Variants in NALCN observed in about 807,000 individuals in gnomAD.
The protein encoded by NALCN is sodium leak channel NALCN.
Under a neutral mutation model 225.3 loss-of-function variants are expected in NALCN, and 111 were observed. That is an observed-to-expected ratio of 0.49 (90% confidence interval 0.42 to 0.58). NALCN has a LOEUF of 0.58. NALCN is among the 20% of genes least tolerant of loss of function. The probability of loss-of-function intolerance (pLI) is 0.00; values close to 1 mark genes in which losing one functional copy is unlikely to be tolerated. For synonymous variants in NALCN, 764 were observed against 769.0 expected, an observed-to-expected ratio of 0.99 and a Z score of 0.11; for missense variants, 1,378 against 2,202.4, an observed-to-expected ratio of 0.63 and a Z score of 7.49.
Position 101,065,564 on chromosome 13 carries a change from G to T in NALCN, c.4447-3C>A, listed in dbSNP as rs773816880. On this transcript the variant is annotated splice_region_variant and splice_polypyrimidine_tract_variant and intron_variant, in intron 39 of 43. Coordinates refer to ENST00000251127, the MANE Select transcript of NALCN (RefSeq NM_052867.4). ...ACGCGGAACGTGGGGATCACCCCCT[G>T]CGGGGCAGAGCACAAGAAGTAGCAA... 18 of 1,613,484 alleles carry T rather than the reference G, an allele frequency of 1.1e-5. No individual in the cohort carries two copies. Among genetic ancestry groups the T allele is most frequent in the Non-Finnish European group, 1.5e-5 (18 of 1,179,934 alleles).
At chr13:101,335,049 T>C (rs1381229745) in intron 7 of NALCN, among the ~76,000 whole-genome samples, 1 of 152,188 alleles carries the variant, frequency 6.6e-6, no homozygotes, top group Non-Finnish European at 1.5e-5. Flanking sequence ...CCACTAGATA[T>C]TTCCAATGAA....
Position 101,074,594 on chromosome 13 carries a change from G to A in NALCN, c.4023C>T (p.Gly1341=). ...SMYKSFFIIV[G]MFLLLLCYAF... is the part of the protein sequence containing the mutation. ...CGTAACACAGCAGCAAGAGAAACAT[G>A]CCTACTATGATAAAGAAGCTCTTGT... Residue 1341 remains glycine (G), a synonymous_variant, in exon 36 of 44, where the codon GGC becomes GGT. Coordinates refer to ENST00000251127, the MANE Select transcript of NALCN (RefSeq NM_052867.4). 2 of 1,613,638 alleles carry A rather than the reference G, an allele frequency of 1.2e-6. No homozygotes were observed. The highest frequency in any genetic ancestry group is 1.7e-6 in the Non-Finnish European group (2 of 1,179,930).
At chr13:101,137,203 T>C (rs1264564840) in intron 17 of NALCN, among the ~76,000 whole-genome samples, 1 of 152,208 alleles carries the variant, frequency 6.6e-6, no homozygotes, top group Non-Finnish European at 1.5e-5. Context: ...CCCTTTGAGA[T>C]ACAACCCATG....
intron 18 of NALCN, 63 bp downstream of exon 18, chr13:101,124,545 C>A: frequency 7.1e-7 from 1 of 1,405,756 alleles, no homozygotes; most frequent in Non-Finnish European, 9.9e-7. Context: ...TTTCAAAAAG[C>A]TATTTTTCGA....
chr13:101,387,623 C>T (rs1350704941), intron 3 of NALCN, among the ~76,000 whole-genome samples: 1 of 151,998 alleles, frequency 6.6e-6, no homozygotes, highest in Admixed American at 6.6e-5. Flanking sequence ...GTGCTATTGG[C>T]AAATGTATTA....
At chr13:101,291,135 T>C (rs1427784911) in intron 9 of NALCN, among the ~76,000 whole-genome samples, 1 of 152,220 alleles carries the variant, frequency 6.6e-6, no homozygotes, top group Non-Finnish European at 1.5e-5. Flanking sequence ...AATATTGCTA[T>C]GGAACTTATG....
intron 35 of NALCN, 30 bp from the exon 36 acceptor site, chr13:101,074,692 CAGAGAGAG>C (rs34229756): frequency 7.6e-6 from 11 of 1,444,560 alleles, no homozygotes; most frequent in East Asian, 4.8e-5. Context: ...AGCGGGGAGA[CAGAGAGAG>C]AGAGAGAGAG....
intron 27 of NALCN, among the ~76,000 whole-genome samples, chr13:101,098,598 A>G (rs902317832): frequency 6.6e-6 from 1 of 152,164 alleles, no homozygotes; most frequent in African/African-American, 2.4e-5. Flanking sequence ...CATCTTCCCA[A>G]CTGGAAACTA....
At chr13:101,410,882 C>G (rs2047760453) in intron 1 of NALCN, among the ~76,000 whole-genome samples, 1 of 152,210 alleles carries the variant, frequency 6.6e-6, no homozygotes, top group African/African-American at 2.4e-5. Context: ...CCCTTTCATT[C>G]TCTTCCTTCC....
At position 101,191,899 on chromosome 13, in the gene NALCN, A is replaced by AT. The variant is rs2039696415; in HGVS notation, c.1764+17_1764+18insA. ...TATAAATTCCAAGATATAATTGAAA[A>AT]AAAAATGCTGAACTCACCAGAGTGG... On this transcript the variant is annotated intron_variant, in intron 14 of 43. Coordinates refer to ENST00000251127, the MANE Select transcript of NALCN (RefSeq NM_052867.4). The AT allele has an allele frequency of 5.0e-6, 8 of 1,596,686 alleles. No individual in the cohort carries two copies. The East Asian group carries it at 1.8e-4, about 36-fold the overall frequency.
At chr13:101,389,742 G>C (rs1435745775) in intron 3 of NALCN, among the ~76,000 whole-genome samples, 1 of 152,158 alleles carries the variant, frequency 6.6e-6, no homozygotes, top group Non-Finnish European at 1.5e-5. Flanking sequence ...CAAACAAACG[G>C]ATCATGATGA....
intron 3 of NALCN, among the ~76,000 whole-genome samples, chr13:101,387,214 C>T (rs1456502483): frequency 8.6e-6 from 1 of 116,210 alleles, no homozygotes; most frequent in Non-Finnish European, 1.6e-5. Flanking sequence ...GGCGACAGAG[C>T]GAGACTCCGT....
At chr13:101,385,632 A>G (rs989568031) in intron 3 of NALCN, among the ~76,000 whole-genome samples, 4 of 152,216 alleles carry the variant, frequency 2.6e-5, no homozygotes, top group Non-Finnish European at 4.4e-5. Context: ...ATGCAGGTGT[A>G]TCTCTGTTGT....
intron 10 of NALCN, among the ~76,000 whole-genome samples, chr13:101,283,547 AAC>A (rs1374980077): frequency 6.6e-6 from 1 of 152,158 alleles, no homozygotes; most frequent in African/African-American, 2.4e-5. Flanking sequence ...AATGCAGAAA[AAC>A]AGAGAGACTA....
chr13:101,228,767 AAT>A (rs778303342), intron 13 of NALCN, among the ~76,000 whole-genome samples: 1 of 152,198 alleles, frequency 6.6e-6, no homozygotes, highest in Non-Finnish European at 1.5e-5. Flanking sequence ...TTAGGGTAAA[AAT>A]ATATACATTA....
chr13:101,256,315 T>A (rs1182681169), intron 11 of NALCN, among the ~76,000 whole-genome samples: 1 of 152,066 alleles, frequency 6.6e-6, no homozygotes, highest in African/African-American at 2.4e-5. Flanking sequence ...TCCATTCTCC[T>A]CCCATTTCCA....
rs761368018 is a variant in NALCN, at chr13:101,075,936, T to C, written c.3891A>G (p.Ala1297=). Reference sequence around the variant, plus strand: ...CACAAGCGCCCATCATGTAAGTATATGCATTCTGAAATTTAAACAGAAGAC... The same window carrying C: ...CACAAGCGCCCATCATGTAAGTATACGCATTCTGAAATTTAAACAGAAGAC... ...WVVLHFALLN[A]YTYMMGACVI... Residue 1297 remains alanine (A), a synonymous_variant, in exon 35 of 44, where the codon GCA becomes GCG. Coordinates refer to ENST00000251127, the MANE Select transcript of NALCN (RefSeq NM_052867.4). 9 of 1,606,822 alleles carry C rather than the reference T, an allele frequency of 5.6e-6. No individual in the cohort carries two copies. Among genetic ancestry groups the C allele is most frequent in the Non-Finnish European group, 6.8e-6 (8 of 1,177,718 alleles).
intron 3 of NALCN, among the ~76,000 whole-genome samples, chr13:101,387,058 A>G (rs1280545819): frequency 6.6e-6 from 1 of 150,882 alleles, no homozygotes; most frequent in Non-Finnish European, 1.5e-5. Context: ...CGTCTCTACT[A>G]AAAATACAAA....
intron 15 of NALCN, among the ~76,000 whole-genome samples, chr13:101,149,067 G>C (rs1454337378): frequency 6.6e-6 from 1 of 152,184 alleles, no homozygotes; most frequent in African/African-American, 2.4e-5. Flanking sequence ...GCCGAGGTGG[G>C]CGGATCACGA....
Sources: gnomAD v4.1 joint callset for allele counts (sites outside exome capture counted in the v4.1 genomes callset) on GRCh38, gnomAD v4.1.1 for gene constraint, MANE v1.5 for transcripts, NCBI Gene and HGNC (gene_info 2026-07-23, HGNC 2026-07-21) for gene names.